SPAG16: variants seen among roughly 807,000 people sequenced by gnomAD.
The protein encoded by SPAG16 is sperm associated antigen 16.
In SPAG16, 86 loss-of-function variants were observed where a neutral mutation model predicts 80.4. The observed-to-expected ratio is 1.07, with a 90% CI of 0.90 to 1.28. SPAG16 has a LOEUF of 1.28. SPAG16 is among the 50% of genes most tolerant of loss of function. SPAG16 has a pLI of 0.00. For synonymous variants in SPAG16, 294 were observed against 265.9 expected (o/e 1.11, Z -1.03); for missense variants, 870 against 765.3 (o/e 1.14, Z -1.61).
At chr2:213,683,343 A>C (rs1232644714) in intron 10 of SPAG16, among the ~76,000 whole-genome samples, 2 of 152,106 alleles carry the variant, frequency 1.3e-5, no homozygotes. Flanking sequence ...TTGAGGTCAG[A>C]AGTTCAAGAG....
chr2:213,584,484 CAG>C (rs931405532), intron 10 of SPAG16, among the ~76,000 whole-genome samples: 8 of 151,268 alleles, frequency 5.3e-5, no homozygotes, highest in Non-Finnish European at 8.8e-5. Context: ...CAAAGAATCT[CAG>C]TGAAAAAAAA....
chr2:213,626,641 A>ATTTTTTTTTTTTTTTTTTTTTTTTTT (rs10582370), intron 10 of SPAG16, among the ~76,000 whole-genome samples: 2 of 98,978 alleles, frequency 2.0e-5, no homozygotes, highest in Non-Finnish European at 3.9e-5. Flanking sequence ...ATCGGGCTCA[A>ATTTTTTTTTTTTTTTTTTTTTTTTTT]TTTTTTTTTT....
chr2:214,280,748 T>C (rs747593380), intron 15 of SPAG16: 37 of 421,588 alleles, frequency 8.8e-5, no homozygotes, highest in Non-Finnish European at 1.6e-4. Flanking sequence ...TTTTAACTTA[T>C]TTCCTGGGCG....
chr2:213,334,480 A>T (rs1179095381), intron 5 of SPAG16, among the ~76,000 whole-genome samples: 1 of 152,202 alleles, frequency 6.6e-6, no homozygotes, highest in Non-Finnish European at 1.5e-5. Flanking sequence ...AAAGGAAATC[A>T]GTATATCAAA....
At chr2:214,207,385 T>C (rs748826703) in intron 15 of SPAG16, among the ~76,000 whole-genome samples, 50 of 152,292 alleles carry the variant, frequency 3.3e-4, no homozygotes, top group Non-Finnish European at 6.0e-4. Context: ...ACCAATAAAA[T>C]TGATAATTTA....
At chr2:213,882,475 A>T (rs558274160) in intron 11 of SPAG16, among the ~76,000 whole-genome samples, 1 of 152,206 alleles carries the variant, frequency 6.6e-6, no homozygotes, top group African/African-American at 2.4e-5. Context: ...TCTGTATTCA[A>T]TTTCAGATTT....
intron 10 of SPAG16, among the ~76,000 whole-genome samples, chr2:213,555,071 G>C (rs1294694636): frequency 6.6e-6 from 1 of 151,748 alleles, no homozygotes; most frequent in Admixed American, 6.6e-5. Flanking sequence ...CAAATAAAAA[G>C]AGGGGACCCC....
At chr2:213,424,536 T>A (rs564079344) in intron 9 of SPAG16, among the ~76,000 whole-genome samples, 3 of 152,338 alleles carry the variant, frequency 2.0e-5, no homozygotes, top group East Asian at 3.9e-4. Context: ...AGTTATCTTT[T>A]TCTTAGATAT....
intron 10 of SPAG16, among the ~76,000 whole-genome samples, chr2:213,765,718 A>T (rs1280558646): frequency 1.3e-5 from 2 of 152,214 alleles, no homozygotes; most frequent in Admixed American, 6.5e-5. Flanking sequence ...AGACATTTAT[A>T]GGAATCACAT....
At chr2:213,349,694 A>G (rs536673727) in intron 6 of SPAG16, among the ~76,000 whole-genome samples, 47 of 152,332 alleles carry the variant, frequency 3.1e-4, no homozygotes, top group Non-Finnish European at 5.1e-4. Context: ...ATATACATAC[A>G]TACAAGGGAA....
At chr2:214,278,152 G>A (rs1045222219) in intron 15 of SPAG16, among the ~76,000 whole-genome samples, 5 of 152,150 alleles carry the variant, frequency 3.3e-5, no homozygotes. Flanking sequence ...CTGGTGTGCT[G>A]TTTGCTAAGA....
chr2:213,394,883 A>G (rs548613135), intron 9 of SPAG16, among the ~76,000 whole-genome samples: 1 of 152,172 alleles, frequency 6.6e-6, no homozygotes, highest in South Asian at 2.1e-4. Context: ...CTTTTTAATT[A>G]TTAATACAAA....
At chr2:213,592,010 C>T (rs549305191) in intron 10 of SPAG16, among the ~76,000 whole-genome samples, 3 of 152,088 alleles carry the variant, frequency 2.0e-5, no homozygotes, top group Non-Finnish European at 2.9e-5. Flanking sequence ...TAGGTTCAGT[C>T]GGGAGAGAAT....
intron 15 of SPAG16, among the ~76,000 whole-genome samples, chr2:214,352,212 A>G (rs1698460621): frequency 6.6e-6 from 1 of 152,180 alleles, no homozygotes; most frequent in Non-Finnish European, 1.5e-5. Context: ...GAATCAGGAG[A>G]GACACCAAAC....
chr2:214,144,682 A>C (rs2055543783), intron 14 of SPAG16, among the ~76,000 whole-genome samples: 2 of 152,140 alleles, frequency 1.3e-5, no homozygotes, highest in East Asian at 3.9e-4. Flanking sequence ...TCTATTGTTC[A>C]GCCTTCAGGA....
intron 10 of SPAG16, among the ~76,000 whole-genome samples, chr2:213,504,221 A>G (rs1313492650): frequency 1.3e-5 from 2 of 152,204 alleles, no homozygotes; most frequent in Non-Finnish European, 1.5e-5. Context: ...ACATAATTAG[A>G]TTAGCATGCA....
At chr2:213,784,333 GTTC>G (rs898971101) in intron 10 of SPAG16, among the ~76,000 whole-genome samples, 12 of 129,780 alleles carry the variant, frequency 9.2e-5, no homozygotes, top group African/African-American at 3.0e-4. Flanking sequence ...ATGGATTTGA[GTTC>G]TTAATTTAAA....
At chr2:213,816,583 A>G (rs1360331689) in intron 10 of SPAG16, among the ~76,000 whole-genome samples, 4 of 152,062 alleles carry the variant, frequency 2.6e-5, no homozygotes, top group Admixed American at 2.0e-4. Flanking sequence ...TACAAACAAT[A>G]CCACTATCTA....
At chr2:214,202,121 C>T (rs1264131152) in intron 15 of SPAG16, among the ~76,000 whole-genome samples, 1 of 152,150 alleles carries the variant, frequency 6.6e-6, no homozygotes, top group African/African-American at 2.4e-5. Flanking sequence ...GCTGGGATTA[C>T]AGGTTTAAGC....
Sources: allele counts gnomAD v4.1 joint callset (sites outside exome capture counted in the v4.1 genomes callset), GRCh38; gene constraint gnomAD v4.1.1; transcripts MANE v1.5; gene names NCBI Gene and HGNC (gene_info 2026-07-23, HGNC 2026-07-21).